The following EEA1 variants were observed in gnomAD, a reference collection of about 807,000 sequenced individuals.
The protein encoded by EEA1 is early endosome antigen 1.
A neutral mutation model predicts 209.2 loss-of-function variants in EEA1; 111 were observed. That is an observed-to-expected ratio of 0.53 (90% confidence interval 0.45 to 0.62). The LOEUF is 0.62. EEA1 is among the 20% of genes least tolerant of loss of function. The probability of loss-of-function intolerance (pLI) is 0.00; values close to 1 mark genes in which losing one functional copy is unlikely to be tolerated. For missense variants in EEA1, 1,343 were observed against 1,530.8 expected, an observed-to-expected ratio of 0.88 and a Z score of 2.05; for synonymous variants, 536 against 540.6, an observed-to-expected ratio of 0.99 and a Z score of 0.12.
intron 2 of EEA1, among the ~76,000 whole-genome samples, chr12:92,870,626 T>C (rs1405912313): frequency 6.6e-6 from 1 of 152,034 alleles, no homozygotes; most frequent in Non-Finnish European, 1.5e-5. Context: ...TTTTCCTGAA[T>C]AGGGACAATA....
intron 2 of EEA1, among the ~76,000 whole-genome samples, chr12:92,885,063 G>A (rs1879323219): frequency 6.7e-6 from 1 of 149,580 alleles, no homozygotes; most frequent in Non-Finnish European, 1.5e-5. Context: ...AAAGAATACT[G>A]TATATAATAT....
intron 2 of EEA1, among the ~76,000 whole-genome samples, chr12:92,889,708 G>A (rs1048662487): frequency 1.3e-5 from 2 of 152,104 alleles, no homozygotes; most frequent in African/African-American, 4.8e-5. Context: ...AGACCAGGCT[G>A]GCCAACATGG....
chr12:92,849,692 C>G (rs532335880), intron 9 of EEA1, among the ~76,000 whole-genome samples: 124 of 152,174 alleles, frequency 8.1e-4, no homozygotes, highest in African/African-American at 2.7e-3. Flanking sequence ...CCATCTCTTC[C>G]CATAAGATAA....
chr12:92,827,299 A>G (rs1876355554), intron 12 of EEA1, among the ~76,000 whole-genome samples: 1 of 152,176 alleles, frequency 6.6e-6, no homozygotes, highest in African/African-American at 2.4e-5. Flanking sequence ...CGTTGCAGTG[A>G]GCCGAGATCA....
intron 2 of EEA1, among the ~76,000 whole-genome samples, chr12:92,865,534 GC>G (rs1371664650): frequency 2.0e-5 from 3 of 151,870 alleles, no homozygotes; most frequent in Admixed American, 2.0e-4. Flanking sequence ...TTAATGTGTA[GC>G]CCCATAAAAT....
chr12:92,877,567 C>G (rs1034499120), intron 2 of EEA1, among the ~76,000 whole-genome samples: 2 of 151,876 alleles, frequency 1.3e-5, no homozygotes, highest in Non-Finnish European at 2.9e-5. Context: ...CTTGCTCTGT[C>G]ACCCAGGCGG....
At chr12:92,778,449 G>A (rs747314623) in intron 25 of EEA1, among the ~76,000 whole-genome samples, 1 of 152,010 alleles carries the variant, frequency 6.6e-6, no homozygotes, top group South Asian at 2.1e-4. Context: ...TTCTCCACCA[G>A]AGCAGGAAAG....
intron 10 of EEA1, among the ~76,000 whole-genome samples, chr12:92,834,462 T>G (rs905280511): frequency 6.8e-6 from 1 of 146,846 alleles, no homozygotes; most frequent in East Asian, 2.0e-4. Flanking sequence ...GGAGGCATGC[T>G]TGGGCCCAAG....
At chr12:92,834,243 T>C (rs530291209) in intron 10 of EEA1, among the ~76,000 whole-genome samples, 2 of 151,938 alleles carry the variant, frequency 1.3e-5, no homozygotes, top group Admixed American at 1.3e-4. Context: ...AGAGAGATGA[T>C]AAAAGTATGT....
intron 25 of EEA1, among the ~76,000 whole-genome samples, 195 bp from the exon 26 acceptor site, chr12:92,778,374 C>T (rs1873752762): frequency 6.6e-6 from 1 of 151,888 alleles, no homozygotes; most frequent in African/African-American, 2.4e-5. Context: ...GGTCAAAATG[C>T]TGAAATGATG....
At chr12:92,860,819 T>C (rs1565839610) in intron 3 of EEA1, among the ~76,000 whole-genome samples, 1 of 151,824 alleles carries the variant, frequency 6.6e-6, no homozygotes. Context: ...AGGTTCATTA[T>C]ATATGTCTGG....
intron 23 of EEA1, 116 bp downstream of exon 23, chr12:92,781,834 T>G: frequency 4.6e-6 from 4 of 878,016 alleles, no homozygotes; most frequent in Non-Finnish European, 6.4e-6. Context: ...GAGGTCCCTC[T>G]GAGAGAGCTG....
intron 2 of EEA1, among the ~76,000 whole-genome samples, chr12:92,869,857 A>G (rs1314761254): frequency 1.3e-5 from 2 of 151,914 alleles, no homozygotes; most frequent in African/African-American, 4.8e-5. Context: ...TCCATCAAGA[A>G]GAAAAGTTGA....
chr12:92,869,074 C>G (rs1472964334), intron 2 of EEA1, among the ~76,000 whole-genome samples: 1 of 152,084 alleles, frequency 6.6e-6, no homozygotes, highest in Non-Finnish European at 1.5e-5. Flanking sequence ...GAATGAGTGC[C>G]TCAGGGATGT....
At chr12:92,872,471 A>G (rs1878697763) in intron 2 of EEA1, among the ~76,000 whole-genome samples, 1 of 152,220 alleles carries the variant, frequency 6.6e-6, no homozygotes, top group Non-Finnish European at 1.5e-5. Context: ...ATATTCCACT[A>G]GGTTGAGATC....
intron 2 of EEA1, among the ~76,000 whole-genome samples, chr12:92,876,215 G>T (rs1417685750): frequency 6.6e-6 from 1 of 151,974 alleles, no homozygotes; most frequent in Non-Finnish European, 1.5e-5. Context: ...TGAGAATACA[G>T]GTGCATGCCA....
chr12:92,904,996 T>C lies in EEA1; in HGVS notation c.25-13275A>G, dbSNP rs151213029. Among the ~76,000 whole-genome samples, 350 of 152,246 alleles carry C rather than the reference T, an allele frequency of 2.3e-3. 3 individuals carry two copies. Among genetic ancestry groups the C allele is most frequent in the African/African-American group, 7.8e-3 (323 of 41,562 alleles). On this transcript the variant is annotated intron_variant, in intron 1 of 28. Transcript: ENST00000322349. ...CTCTCTATGCCTGAAGGTCAGAGGG[T>C]AGGGTCGAAAGTTCCATAGCCTTAA...
At chr12:92,906,630 G>A (rs1592771299) in intron 1 of EEA1, among the ~76,000 whole-genome samples, 2 of 152,190 alleles carry the variant, frequency 1.3e-5, no homozygotes, top group East Asian at 3.9e-4. Context: ...GGCTAACACG[G>A]TGAAACCCCG....
chr12:92,845,199 A>C (rs1406102044), intron 9 of EEA1, among the ~76,000 whole-genome samples: 1 of 152,102 alleles, frequency 6.6e-6, no homozygotes, highest in East Asian at 1.9e-4. Flanking sequence ...AAACTTTAAA[A>C]TTTACTCAAG....
Sources: allele counts gnomAD v4.1 joint callset (sites outside exome capture counted in the v4.1 genomes callset), GRCh38; gene constraint gnomAD v4.1.1; transcripts MANE v1.5; gene names NCBI Gene and HGNC (gene_info 2026-07-23, HGNC 2026-07-21).